ABCC5: variants seen among roughly 807,000 people sequenced by gnomAD.
ABCC5 encodes the protein ATP-binding cassette sub-family C member 5.
In ABCC5, 61 loss-of-function variants were observed where a neutral mutation model predicts 160.9. The ratio of observed to expected loss-of-function variants is 0.38; its 90% CI spans 0.31 to 0.47. The LOEUF is 0.47. ABCC5 is among the 20% of genes least tolerant of loss of function. The pLI is 0.99. For missense variants in ABCC5, 1,308 were observed against 1,813.3 expected (o/e 0.72, Z 5.06); for synonymous variants, 666 against 700.6 (o/e 0.95, Z 0.78).
chr3:183,947,556 C>G, intron 22 of ABCC5, 46 bp from the exon 23 acceptor site: 1 of 1,465,500 alleles, frequency 6.8e-7, no homozygotes. Context: ...TACTACACAA[C>G]CCCGCGCATG....
At chr3:183,927,951 C>T (rs754822325) in intron 27 of ABCC5, 4 of 396,994 alleles carry the variant, frequency 1.0e-5, no homozygotes, top group South Asian at 1.0e-4. Context: ...CTGACTCAAC[C>T]CAGGCATAAC....
chr3:183,930,074 A>C (rs547448617), intron 26 of ABCC5, among the ~76,000 whole-genome samples: 2 of 152,364 alleles, frequency 1.3e-5, no homozygotes, highest in East Asian at 3.9e-4. Context: ...GAGGTCTAGT[A>C]ATCTGAAAAG....
Position 183,971,598 on chromosome 3 carries a change from T to A in ABCC5, c.1726A>T (p.Arg576Trp). ...TCCAGATCGATGCTGTGCAGTGTCC[T>A]CTGTAAGCGCAGGTGGCCCAGGTGG... is the stretch of plus-strand genomic sequence containing the variant. ...HIHLGHLRLQ[R>W]TLHSIDLEIQ... Residue 576 changes from arginine to tryptophan, a missense_variant, in exon 11 of 30, where the codon AGG (arginine) becomes TGG (tryptophan). By Grantham distance (101) the Arg-to-Trp change is moderately radical (BLOSUM62 -3). Transcript: ENST00000334444. The A allele has an allele frequency of 6.2e-7, 1 of 1,614,104 alleles. No homozygotes were observed. The highest frequency in any genetic ancestry group is 1.1e-5 in the South Asian group (1 of 91,068).
intron 25 of ABCC5, 136 bp downstream of exon 25, chr3:183,942,591 G>T: frequency 1.8e-6 from 2 of 1,102,442 alleles, no homozygotes; most frequent in Non-Finnish European, 1.3e-6. Flanking sequence ...AATAAACCTA[G>T]AAAATTGGTT....
intron 2 of ABCC5, among the ~76,000 whole-genome samples, chr3:184,000,231 C>G (rs1449060660): frequency 6.6e-6 from 1 of 151,852 alleles, no homozygotes; most frequent in African/African-American, 2.4e-5. Context: ...TTAGCCCCAG[C>G]TACTCAGGAA....
At chr3:183,952,059 T>G in intron 18 of ABCC5, 56 bp from the exon 19 acceptor site, 1 of 1,563,494 alleles carries the variant, frequency 6.4e-7, no homozygotes, top group Non-Finnish European at 8.7e-7. Context: ...CAAGAGCCCC[T>G]GCTCAGCGCC....
rs1576904801 is a variant in ABCC5 at position 183,987,975 on chromosome 3, T to C, written c.444-58A>G. On this transcript the variant is annotated intron_variant, in intron 4 of 29. Coordinates refer to ENST00000334444, the MANE Select transcript of ABCC5 (RefSeq NM_005688.4). This position sits in a 1 kb window ranked among gnomAD's most constrained non-coding sequence, Gnocchi z 4.2. Reference sequence around the variant, plus strand: ...TCCTCGGGGGAAAGGCACACCTAGCTCCCCGCCTGCCACCACTTTTTGTCT... The same window carrying C: ...TCCTCGGGGGAAAGGCACACCTAGCCCCCCGCCTGCCACCACTTTTTGTCT... 2 of 1,574,850 alleles carry C rather than the reference T, an allele frequency of 1.3e-6. No homozygotes were observed.
At chr3:183,941,279 C>G (rs1376390571) in intron 25 of ABCC5, among the ~76,000 whole-genome samples, 1 of 152,194 alleles carries the variant, frequency 6.6e-6, no homozygotes, top group Non-Finnish European at 1.5e-5. Flanking sequence ...CATCAGTCAG[C>G]TTTCAGGGGA....
intron 16 of ABCC5, 111 bp from the exon 17 acceptor site, chr3:183,959,946 A>G: frequency 1.4e-6 from 1 of 704,276 alleles, no homozygotes; most frequent in Non-Finnish European, 2.3e-6. Context: ...GAAAAAAGAT[A>G]CATCCAACTT....
At chr3:184,012,786 C>G (rs913820689) in intron 2 of ABCC5, among the ~76,000 whole-genome samples, 2 of 152,172 alleles carry the variant, frequency 1.3e-5, no homozygotes, top group East Asian at 3.8e-4. Context: ...TACATTAAGC[C>G]TGTTTCTCTG....
chr3:183,936,711 T>C (rs13063947), intron 26 of ABCC5, among the ~76,000 whole-genome samples: 2 of 152,164 alleles, frequency 1.3e-5, no homozygotes, highest in Non-Finnish European at 2.9e-5. Flanking sequence ...GGTTTCACCG[T>C]GTTAGCCAGG....
intron 9 of ABCC5, 130 bp from the exon 10 acceptor site, chr3:183,977,754 T>C: frequency 1.6e-6 from 1 of 633,698 alleles, no homozygotes; most frequent in Non-Finnish European, 2.7e-6. Context: ...ACAAGTCAAT[T>C]ACATTTTTTT....
chr3:183,982,338 G>T lies in ABCC5; in HGVS notation c.999+113C>A. 1 of 1,247,794 alleles carries T rather than the reference G, an allele frequency of 8.0e-7. No homozygotes were observed. Among genetic ancestry groups the T allele is most frequent in the Non-Finnish European group, 1.1e-6 (1 of 908,720 alleles). The allele number at this position is 1,247,794 out of a possible 1,614,324, so 77.3% of individuals were successfully genotyped here. ...TCGAGCTCTAGATTGAACCTGCTTT[G>T]AGGAAATTTCCAATCAGAGCTGTGA... On this transcript the variant is annotated intron_variant, in intron 7 of 29. Coordinates refer to ENST00000334444, the MANE Select transcript of ABCC5 (RefSeq NM_005688.4). This position sits in a 1 kb window ranked among gnomAD's most constrained non-coding sequence, Gnocchi z 5.2.
intron 2 of ABCC5, among the ~76,000 whole-genome samples, chr3:184,005,271 G>A (rs1721087878): frequency 6.6e-6 from 1 of 152,138 alleles, no homozygotes; most frequent in Non-Finnish European, 1.5e-5. Flanking sequence ...AAGTACACAT[G>A]TCAGTCTTGC....
chr3:183,925,483 A>G, intron 29 of ABCC5, 72 bp downstream of exon 29: 2 of 1,524,586 alleles, frequency 1.3e-6, no homozygotes, highest in Non-Finnish European at 1.8e-6. Context: ...AAAGATGGCA[A>G]TCAGTCCATC....
intron 2 of ABCC5, chr3:184,009,814 T>C: frequency 4.2e-6 from 1 of 240,790 alleles, no homozygotes; most frequent in South Asian, 4.7e-5. Context: ...GTTCAGAGAT[T>C]ACAAGGATAC....
intron 27 of ABCC5, chr3:183,927,753 T>G: frequency 1.0e-6 from 1 of 985,430 alleles, no homozygotes; most frequent in Non-Finnish European, 1.2e-6. Context: ...AATATGGTCT[T>G]GCAATAGGAA....
chr3:183,942,573 G>T, intron 25 of ABCC5, 154 bp downstream of exon 25: 1 of 889,232 alleles, frequency 1.1e-6, no homozygotes. Context: ...CATCAAAGTG[G>T]GGTCAACAAT....
At chr3:183,973,094 G>A (rs942505057) in intron 10 of ABCC5, among the ~76,000 whole-genome samples, 13 of 129,426 alleles carry the variant, frequency 1.0e-4, no homozygotes, top group African/African-American at 3.1e-4. Flanking sequence ...TCGCTGTGTC[G>A]CCCAGGCTGG....
Sources: gnomAD v4.1 joint callset for allele counts (sites outside exome capture counted in the v4.1 genomes callset) on GRCh38, gnomAD v4.1.1 for gene constraint, Gnocchi (gnomAD v3.1) non-coding constraint, MANE v1.5 for transcripts, NCBI Gene and HGNC (gene_info 2026-07-23, HGNC 2026-07-21) for gene names.